Variants in ASXL2 observed in about 807,000 individuals in gnomAD.
ASXL2 encodes ASXL transcriptional regulator 2.
In ASXL2, 23 loss-of-function variants were observed where a neutral mutation model predicts 122.0. The observed-to-expected ratio is 0.19, with a 90% CI of 0.14 to 0.27. The LOEUF (loss-of-function observed/expected upper bound fraction) is 0.27, where lower values mean the gene tolerates loss of function less well. Among genes scored for constraint, ASXL2 ranks in the 10% least tolerant of loss-of-function variants. ASXL2 has a pLI of 1.00. For missense variants in ASXL2, 1,518 were observed against 1,713.8 expected (o/e 0.89, Z 2.02); for synonymous variants, 650 against 637.0 (o/e 1.02, Z -0.31).
Position 25,744,299 on chromosome 2 carries a change from C to G in ASXL2, c.2038G>C (p.Ala680Pro). The G allele has an allele frequency of 6.2e-7, 1 of 1,611,456 alleles. No homozygotes were observed. The highest frequency in any genetic ancestry group is 8.5e-7 in the Non-Finnish European group (1 of 1,179,238). Reference protein sequence around the residue: ...QRAAAAAAAAAAAAASVGGTI... With the variant: ...QRAAAAAAAAPAAAASVGGTI... ...CCTCCAACTGAGGCGGCTGCAGCAG[C>G]TGCGGCGGCAGCGGCAGCTGCTGCC... The change falls in exon 13 of 13, where the codon GCT (alanine) becomes CCT (proline). Residue 680 changes from alanine to proline, a missense_variant. Transcript: ENST00000435504. This position sits in a 1 kb window ranked among gnomAD's most constrained non-coding sequence, Gnocchi z 4.7.
intron 5 of ASXL2, among the ~76,000 whole-genome samples, chr2:25,778,310 G>A (rs1325042527): frequency 6.6e-6 from 1 of 152,222 alleles, no homozygotes; most frequent in Non-Finnish European, 1.5e-5. Context: ...AGATACAGAT[G>A]AGAAGGCAAT....
intron 3 of ASXL2, among the ~76,000 whole-genome samples, chr2:25,811,848 T>G (rs1293114233): frequency 6.6e-6 from 1 of 151,958 alleles, no homozygotes; most frequent in Non-Finnish European, 1.5e-5. Flanking sequence ...GCCTCTCGGG[T>G]TCAAGCGATT....
intron 1 of ASXL2, among the ~76,000 whole-genome samples, chr2:25,875,505 A>G (rs72803617): frequency 1.3e-5 from 2 of 151,786 alleles, no homozygotes; most frequent in South Asian, 2.1e-4. Flanking sequence ...AATAATAATG[A>G]TAATAATTAT....
At chr2:25,873,619 A>G (rs2089982065) in intron 1 of ASXL2, among the ~76,000 whole-genome samples, 1 of 152,000 alleles carries the variant, frequency 6.6e-6, no homozygotes, top group Admixed American at 6.6e-5. Flanking sequence ...AAAATAATTA[A>G]CCAATGAATA....
At chr2:25,778,386 T>C (rs1574411489) in intron 5 of ASXL2, among the ~76,000 whole-genome samples, 1 of 152,126 alleles carries the variant, frequency 6.6e-6, no homozygotes, top group East Asian at 1.9e-4. Context: ...AGAAAAAGGT[T>C]AGAGAAAGCA....
Position 25,755,521 on chromosome 2 carries a change from T to C in ASXL2, c.1036+497A>G, listed in dbSNP as rs141885508. Among the ~76,000 whole-genome samples the C allele has an allele frequency of 2.5e-4, 38 of 152,352 alleles. No individual in the cohort carries two copies. The East Asian group carries it at 6.2e-3, about 25-fold the overall frequency. Reference sequence around the variant, plus strand: ...TAACTGTCCATTTCAAATGGCTGAATTTTATATTATATGAAATATACCTTA... The same window carrying C: ...TAACTGTCCATTTCAAATGGCTGAACTTTATATTATATGAAATATACCTTA... On this transcript the variant is annotated intron_variant, in intron 10 of 12. Coordinates refer to ENST00000435504, the MANE Select transcript of ASXL2 (RefSeq NM_018263.6).
Position 25,771,465 on chromosome 2 carries a change from T to C in ASXL2, c.479A>G (p.Lys160Arg). 6.2e-7 allele frequency: 1 copy of C among 1,613,680 alleles called. No individual in the cohort carries two copies. Among genetic ancestry groups the C allele is most frequent in the Non-Finnish European group, 8.5e-7 (1 of 1,179,704 alleles). The change falls in exon 6 of 13, where the codon AAG becomes AGG. Residue 160 changes from lysine (K) to arginine (R), a missense_variant. By Grantham distance (26) the Lys-to-Arg change is conservative. Transcript: ENST00000435504. ...CTGCTTTAGTGCCTTCTTGCTGTGCTTCTGTGATGGAGAAATGACTTTACC... is the reference window on the plus strand; with the variant it reads ...CTGCTTTAGTGCCTTCTTGCTGTGCCTCTGTGATGGAGAAATGACTTTACC... ...PAGKVISPSQ[K>R]HSKKALKQAL...
intron 4 of ASXL2, among the ~76,000 whole-genome samples, chr2:25,801,093 A>T (rs2088991415): frequency 6.6e-6 from 1 of 151,996 alleles, no homozygotes; most frequent in African/African-American, 2.4e-5. Context: ...TACCCGGCTA[A>T]TTTTTTAAAT....
intron 5 of ASXL2, among the ~76,000 whole-genome samples, chr2:25,773,665 C>CAAA (rs55641820): frequency 2.9e-5 from 4 of 135,752 alleles, no homozygotes; most frequent in Non-Finnish European, 4.6e-5. Context: ...GACTCCATCT[C>CAAA]AAAAAAAAAA....
At chr2:25,830,018 C>T (rs931529252) in intron 3 of ASXL2, among the ~76,000 whole-genome samples, 20 of 152,318 alleles carry the variant, frequency 1.3e-4, no homozygotes, top group African/African-American at 4.6e-4. Flanking sequence ...TTCCCACCGC[C>T]TCAAACAGAA....
chr2:25,805,210 A>G (rs1162426522), intron 4 of ASXL2, among the ~76,000 whole-genome samples: 1 of 152,248 alleles, frequency 6.6e-6, no homozygotes, highest in East Asian at 1.9e-4. Context: ...TTTCTCCATT[A>G]TAAAAACGGA....
At chr2:25,766,794 C>T (rs2088361775) in intron 8 of ASXL2, among the ~76,000 whole-genome samples, 1 of 152,110 alleles carries the variant, frequency 6.6e-6, no homozygotes. Flanking sequence ...GTTTGATATC[C>T]CTGAATGTGG....
At position 25,737,581 on chromosome 2, in the gene ASXL2, G is replaced by A. The variant is rs2087757339; in HGVS notation, c.*4448C>T. On this transcript the variant is annotated 3_prime_UTR_variant, in exon 13 of 13. Transcript: ENST00000435504. Reference sequence around the variant, plus strand: ...TTTTACTCTCTTCCATACAATCTGTGGGAACCATCCCATAGGAGTATAAGG... The same window carrying A: ...TTTTACTCTCTTCCATACAATCTGTAGGAACCATCCCATAGGAGTATAAGG... 1 of 151,996 alleles carries A rather than the reference G, an allele frequency of 6.6e-6. No homozygotes were observed. The highest frequency in any genetic ancestry group is 2.1e-4 in the South Asian group (1 of 4,822). The allele number at this position is 151,996 out of a possible 1,614,324, so 9.4% of individuals were successfully genotyped here. A position where few individuals can be genotyped will look rare whatever the true frequency, so the allele number is the denominator to read the frequency against.
intron 1 of ASXL2, among the ~76,000 whole-genome samples, chr2:25,850,363 G>A (rs936829093): frequency 3.9e-5 from 6 of 152,162 alleles, no homozygotes; most frequent in African/African-American, 1.4e-4. Flanking sequence ...TAATCTATGG[G>A]TTTCTCTCAC....
intron 8 of ASXL2, 114 bp downstream of exon 8, chr2:25,767,469 G>C: frequency 8.9e-7 from 1 of 1,118,248 alleles, no homozygotes. Flanking sequence ...TCTAATCTTT[G>C]CTATGTAACT....
chr2:25,844,412 C>A (rs1163154286), intron 2 of ASXL2, among the ~76,000 whole-genome samples: 1 of 151,952 alleles, frequency 6.6e-6, no homozygotes, highest in African/African-American at 2.4e-5. Flanking sequence ...GAAACCCTGT[C>A]TCTACTAAAA....
At chr2:25,843,046 A>T (rs2089606070) in intron 2 of ASXL2, among the ~76,000 whole-genome samples, 3 of 150,680 alleles carry the variant, frequency 2.0e-5, no homozygotes, top group Admixed American at 2.0e-4. Flanking sequence ...CACGCCTGTA[A>T]TCCCAGCACT....
At chr2:25,804,036 T>A (rs1387611184) in intron 4 of ASXL2, among the ~76,000 whole-genome samples, 3 of 152,168 alleles carry the variant, frequency 2.0e-5, no homozygotes, top group Non-Finnish European at 4.4e-5. Context: ...ATAAATTTTT[T>A]AAACAGTATG....
chr2:25,875,435 C>T (rs1244567857), intron 1 of ASXL2, among the ~76,000 whole-genome samples: 1 of 151,912 alleles, frequency 6.6e-6, no homozygotes, highest in Admixed American at 6.6e-5. Flanking sequence ...ACCTGTGAAG[C>T]CACTGCACTC....
Sources: gnomAD v4.1 joint callset for allele counts (sites outside exome capture counted in the v4.1 genomes callset) on GRCh38, gnomAD v4.1.1 for gene constraint, Gnocchi (gnomAD v3.1) non-coding constraint, MANE v1.5 for transcripts, NCBI Gene and HGNC (gene_info 2026-07-23, HGNC 2026-07-21) for gene names.